The following TBC1D4 variants were observed in gnomAD, a reference collection of about 807,000 sequenced individuals.
The protein encoded by TBC1D4 is TBC (Tre-2, BUB2, CDC16) domain-containing protein.
Under a neutral mutation model 142.5 loss-of-function variants are expected in TBC1D4, and 121 were observed. The observed-to-expected ratio is 0.85, with a 90% confidence interval of 0.73 to 0.99. The LOEUF (loss-of-function observed/expected upper bound fraction) is 0.99, where lower values mean the gene tolerates loss of function less well. Among genes scored for constraint, TBC1D4 ranks in the 50% least tolerant of loss-of-function variants. TBC1D4 has a pLI of 0.00. For synonymous variants in TBC1D4, 630 were observed against 628.2 expected (o/e 1.00, Z -0.04); for missense variants, 1,475 against 1,606.6 (o/e 0.92, Z 1.40).
At chr13:75,348,466 C>T (rs1037173161) in intron 5 of TBC1D4, among the ~76,000 whole-genome samples, 2 of 152,152 alleles carry the variant, frequency 1.3e-5, no homozygotes, top group African/African-American at 4.8e-5. Flanking sequence ...TAGCACATTG[C>T]CTGGTCCAGA....
chr13:75,352,246 G>C (rs1881661471), intron 4 of TBC1D4, among the ~76,000 whole-genome samples: 1 of 152,058 alleles, frequency 6.6e-6, no homozygotes, highest in South Asian at 2.1e-4. Context: ...CTCAATATCA[G>C]ATGTAAGAGA....
At chr13:75,467,912 T>A (rs1220122686) in intron 1 of TBC1D4, among the ~76,000 whole-genome samples, 2 of 152,200 alleles carry the variant, frequency 1.3e-5, no homozygotes, top group African/African-American at 4.8e-5. Flanking sequence ...ATACAAACCC[T>A]GTATCTTATA....
intron 1 of TBC1D4, among the ~76,000 whole-genome samples, chr13:75,432,473 C>T (rs370729927): frequency 1.7e-4 from 26 of 152,120 alleles, no homozygotes; most frequent in African/African-American, 5.5e-4. Context: ...CATCATGGGT[C>T]GGGTGGAGAG....
At chr13:75,402,927 CCT>C (rs1885170140) in intron 1 of TBC1D4, among the ~76,000 whole-genome samples, 2 of 152,144 alleles carry the variant, frequency 1.3e-5, no homozygotes, top group Non-Finnish European at 2.9e-5. Context: ...TCTTCCATCC[CCT>C]GTCAAAATCA....
chr13:75,289,180 G>A lies in TBC1D4; in HGVS notation c.3487-70C>T, dbSNP rs866383486. 283 of 1,547,520 alleles carry A rather than the reference G, an allele frequency of 1.8e-4. 1 individual carries two copies. The Admixed American group carries it at 3.7e-3, about 20-fold the overall frequency. On this transcript the variant is annotated intron_variant, in intron 19 of 20. Coordinates refer to ENST00000377636, the MANE Select transcript of TBC1D4 (RefSeq NM_014832.5). The stretch of plus-strand genomic sequence containing the variant: ...AACAAGATACAGCCTGTTTATCTTG[G>A]TATATTTCATGTATATTTCCAAATA...
In TBC1D4 at chr13:75,411,704, T is replaced by A. The variant is rs528029638; in HGVS notation, c.499-49097A>T. ...ATATCTGGCTAATTTTTTATTTTTT[T>A]TTTTTTTCTTTTTGGTAGAGACAGG... is the stretch of plus-strand genomic sequence containing the variant. On this transcript the variant is annotated intron_variant, in intron 1 of 20. Transcript: ENST00000377636. 1.1e-3 allele frequency among the ~76,000 whole-genome samples: 167 copies of A among 152,058 alleles called. 1 individual carries two copies. The highest frequency in any genetic ancestry group is 5.5e-3 in the Admixed American group (84 of 15,276).
chr13:75,355,860 G>A (rs920039473), intron 4 of TBC1D4, among the ~76,000 whole-genome samples: 3 of 152,146 alleles, frequency 2.0e-5, no homozygotes, highest in Admixed American at 1.3e-4. Context: ...AATGAAAAAA[G>A]TAACAGCTTT....
rs932231979 is a variant in TBC1D4, at chr13:75,399,547, C to T, written c.499-36940G>A. On this transcript the variant is annotated intron_variant, in intron 1 of 20. Transcript: ENST00000377636. ...CACCCAACCCACCTTATCTACACCC[C>T]CACGTGATTTAATGAATGCAATTCT... Among the ~76,000 whole-genome samples the T allele has an allele frequency of 5.9e-5, 9 of 152,304 alleles. No homozygotes were observed. In the South Asian group the frequency reaches 1.5e-3, roughly 25 times the overall value.
At chr13:75,457,842 T>C (rs1887801616) in intron 1 of TBC1D4, among the ~76,000 whole-genome samples, 1 of 152,106 alleles carries the variant, frequency 6.6e-6, no homozygotes, top group Non-Finnish European at 1.5e-5. Context: ...TCCCTAACCC[T>C]CTCATGGGTC....
chr13:75,394,421 A>G (rs1349551877), intron 1 of TBC1D4, among the ~76,000 whole-genome samples: 1 of 152,232 alleles, frequency 6.6e-6, no homozygotes, highest in African/African-American at 2.4e-5. Flanking sequence ...TAAACACAAG[A>G]GGTCATCAAA....
intron 1 of TBC1D4, among the ~76,000 whole-genome samples, chr13:75,449,865 A>G (rs185758226): frequency 2.5e-3 from 373 of 152,224 alleles, no homozygotes; most frequent in African/African-American, 8.5e-3. Flanking sequence ...GATTATAGGC[A>G]TGAGGCATCG....
rs151143269 is a variant in TBC1D4, at chr13:75,323,421, A to G, written c.2198+816T>C. Among the ~76,000 whole-genome samples the G allele has an allele frequency of 4.5e-3, 684 of 152,264 alleles. 12 individuals are homozygous for G. Among genetic ancestry groups the G allele is most frequent in the Admixed American group, 0.022 (336 of 15,292 alleles). Reference sequence around the variant, plus strand: ...TTTAGAAAGGTTCCCAAGTAAGCCCATTACTTTCTAGAGGCTGCAGCACCC... The same window carrying G: ...TTTAGAAAGGTTCCCAAGTAAGCCCGTTACTTTCTAGAGGCTGCAGCACCC... On this transcript the variant is annotated intron_variant, in intron 11 of 20. Transcript: ENST00000377636.
chr13:75,311,984 C>T (rs1357899143), intron 13 of TBC1D4, among the ~76,000 whole-genome samples: 1 of 152,042 alleles, frequency 6.6e-6, no homozygotes, highest in African/African-American at 2.4e-5. Context: ...TTAAAATCTC[C>T]CACAGGAGCT....
intron 17 of TBC1D4, among the ~76,000 whole-genome samples, chr13:75,296,218 G>A (rs1875904916): frequency 6.6e-6 from 1 of 151,338 alleles, no homozygotes; most frequent in African/African-American, 2.4e-5. Context: ...TTTTTTTAAT[G>A]AGATTATTAT....
intron 11 of TBC1D4, among the ~76,000 whole-genome samples, chr13:75,323,095 T>C (rs1192700700): frequency 7.2e-5 from 11 of 152,146 alleles, no homozygotes; most frequent in Admixed American, 7.2e-4. Flanking sequence ...CTTTAACTAG[T>C]GAGTGAGTGC....
rs1887495518 is a variant in TBC1D4, at chr13:75,450,618, G to A, written c.498+30652C>T. Among the ~76,000 whole-genome samples the A allele has an allele frequency of 3.3e-5, 5 of 152,136 alleles. No homozygotes were observed. The South Asian group carries it at 1.0e-3, about 31-fold the overall frequency. The stretch of plus-strand genomic sequence containing the variant: ...TTTGTGACAATATGCAGAGAATACT[G>A]CCAGCCAGGTAAGCCCACCAGAACC... On this transcript the variant is annotated intron_variant, in intron 1 of 20. Transcript: ENST00000377636.
chr13:75,305,054 G>T (rs1877028531), intron 15 of TBC1D4, among the ~76,000 whole-genome samples: 1 of 152,076 alleles, frequency 6.6e-6, no homozygotes, highest in Non-Finnish European at 1.5e-5. Context: ...TTGAATCATG[G>T]GGGCAGTTTC....
intron 17 of TBC1D4, among the ~76,000 whole-genome samples, chr13:75,296,575 C>A (rs539699376): frequency 6.6e-6 from 1 of 152,080 alleles, no homozygotes; most frequent in Non-Finnish European, 1.5e-5. Flanking sequence ...TCAAAGAAAG[C>A]TTTAATGATA....
chr13:75,329,449 T>C (rs1224133072), intron 8 of TBC1D4, among the ~76,000 whole-genome samples: 1 of 145,120 alleles, frequency 6.9e-6, no homozygotes, highest in Non-Finnish European at 1.5e-5. Flanking sequence ...TCTCTCTCTC[T>C]CCCCCGCTTG....
Sources: gnomAD v4.1 joint callset for allele counts (sites outside exome capture counted in the v4.1 genomes callset) on GRCh38, gnomAD v4.1.1 for gene constraint, MANE v1.5 for transcripts, NCBI Gene and HGNC (gene_info 2026-07-23, HGNC 2026-07-21) for gene names.